The following TLL1 variants were observed in gnomAD, a reference collection of about 807,000 sequenced individuals.
TLL1 encodes the protein tolloid-like protein 1.
In TLL1, 49 loss-of-function variants were observed where a neutral mutation model predicts 128.2. The ratio of observed to expected loss-of-function variants is 0.38; its 90% CI spans 0.30 to 0.48. The LOEUF is 0.48. Ranked by LOEUF, TLL1 falls within the 20% of genes least tolerant of loss-of-function variation. TLL1 has a pLI of 0.96. For synonymous variants in TLL1, 454 were observed against 418.8 expected (o/e 1.08, Z -1.03); for missense variants, 1,123 against 1,242.0 (o/e 0.90, Z 1.44).
At chr4:165,886,750 T>A (rs1731178859) in intron 1 of TLL1, among the ~76,000 whole-genome samples, 1 of 152,224 alleles carries the variant, frequency 6.6e-6, no homozygotes, top group South Asian at 2.1e-4. Flanking sequence ...AATTCATATT[T>A]TTTAACCATT....
At chr4:166,049,872 T>G in intron 12 of TLL1, among the ~76,000 whole-genome samples, 1 of 152,128 alleles carries the variant, frequency 6.6e-6, no homozygotes, top group South Asian at 2.1e-4. Flanking sequence ...TAATCAGAGT[T>G]TTATTTAACA....
intron 6 of TLL1, among the ~76,000 whole-genome samples, chr4:166,004,944 G>C (rs954211080): frequency 6.7e-6 from 1 of 149,062 alleles, no homozygotes; most frequent in Non-Finnish European, 1.5e-5. Context: ...TTAACTGGGT[G>C]GTGGCGGGGG....
chr4:165,923,818 C>T (rs1465244620), intron 1 of TLL1, among the ~76,000 whole-genome samples: 1 of 152,116 alleles, frequency 6.6e-6, no homozygotes, highest in Non-Finnish European at 1.5e-5. Context: ...TTTGTGGCAA[C>T]CCTGTGCCAA....
At chr4:166,030,669 G>A (rs893973433) in intron 9 of TLL1, 11 of 962,174 alleles carry the variant, frequency 1.1e-5, no homozygotes, top group Non-Finnish European at 1.5e-5. Flanking sequence ...AATCAATATT[G>A]TGTTAATAGA....
intron 1 of TLL1, among the ~76,000 whole-genome samples, chr4:165,982,944 T>C (rs1234179187): frequency 6.6e-6 from 1 of 151,794 alleles, no homozygotes; most frequent in Admixed American, 6.6e-5. Context: ...CCTTACAAAA[T>C]ATATGACGTG....
chr4:165,954,428 G>T (rs1734679594), intron 1 of TLL1, among the ~76,000 whole-genome samples: 1 of 152,088 alleles, frequency 6.6e-6, no homozygotes, highest in African/African-American at 2.4e-5. Context: ...CTTAATAATA[G>T]TACTGGGAGA....
intron 6 of TLL1, among the ~76,000 whole-genome samples, chr4:166,005,923 A>G (rs1486558487): frequency 2.0e-5 from 3 of 151,894 alleles, no homozygotes; most frequent in Admixed American, 1.3e-4. Flanking sequence ...ATGGTTTGTA[A>G]TATTTTCTTT....
chr4:166,035,350 GT>G (rs1434679851), intron 9 of TLL1, among the ~76,000 whole-genome samples: 1 of 152,122 alleles, frequency 6.6e-6, no homozygotes, highest in Non-Finnish European at 1.5e-5. Context: ...GGTTTATATT[GT>G]GAGGAATGTC....
chr4:166,041,960 G>A, intron 10 of TLL1, 67 bp from the exon 11 acceptor site: 3 of 1,111,308 alleles, frequency 2.7e-6, no homozygotes, highest in Non-Finnish European at 4.1e-6. Flanking sequence ...TTTGTGACTA[G>A]TACAAAAAGA....
intron 18 of TLL1, among the ~76,000 whole-genome samples, chr4:166,090,686 A>G (rs541581662): frequency 6.6e-6 from 1 of 152,212 alleles, no homozygotes; most frequent in Middle Eastern, 3.4e-3. Flanking sequence ...TTGTAAAAAT[A>G]TAATAATACT....
intron 2 of TLL1, 39 bp from the exon 3 acceptor site, chr4:165,992,765 C>T (rs960100588): frequency 1.1e-5 from 18 of 1,575,134 alleles, no homozygotes; most frequent in Non-Finnish European, 1.6e-5. Context: ...AGAACTTTAA[C>T]ATATTTTGAG....
At chr4:165,887,027 G>A (rs111604853) in intron 1 of TLL1, among the ~76,000 whole-genome samples, 2 of 152,164 alleles carry the variant, frequency 1.3e-5, no homozygotes, top group African/African-American at 4.8e-5. Context: ...GTGGCAAATG[G>A]TCTAACATGG....
chr4:165,993,067 A>G (rs1412707607), intron 3 of TLL1, 183 bp downstream of exon 3: 1 of 570,578 alleles, frequency 1.8e-6, no homozygotes, highest in Non-Finnish European at 3.1e-6. Flanking sequence ...CATTTGGAAT[A>G]ATTTGAAATG....
At chr4:165,941,717 T>C (rs1734018704) in intron 1 of TLL1, among the ~76,000 whole-genome samples, 1 of 152,092 alleles carries the variant, frequency 6.6e-6, no homozygotes, top group Non-Finnish European at 1.5e-5. Context: ...AACAAAGCAC[T>C]CCCACATACA....
chr4:165,937,464 A>G (rs1049539329), intron 1 of TLL1, among the ~76,000 whole-genome samples: 2 of 152,292 alleles, frequency 1.3e-5, no homozygotes, highest in African/African-American at 4.8e-5. Context: ...AACAAAACAA[A>G]ATGACTTTGT....
chr4:166,088,457 C>T (rs1336402972), intron 18 of TLL1, among the ~76,000 whole-genome samples: 1 of 151,958 alleles, frequency 6.6e-6, no homozygotes, highest in Non-Finnish European at 1.5e-5. Context: ...GGAAGGTTCT[C>T]TGTGTGGGTA....
chr4:166,039,541 G>T, intron 10 of TLL1, 100 bp downstream of exon 10: 2 of 810,634 alleles, frequency 2.5e-6, no homozygotes, highest in Non-Finnish European at 4.2e-6. Context: ...TTAAAAATGT[G>T]TGTGACTAAC....
intron 1 of TLL1, among the ~76,000 whole-genome samples, chr4:165,921,513 C>T (rs777261778): frequency 6.6e-6 from 1 of 152,098 alleles, no homozygotes; most frequent in Admixed American, 6.6e-5. Context: ...CTGTTTCTTC[C>T]AAATTGAAAC....
At chr4:165,884,127 A>G (rs2110817042) in intron 1 of TLL1, among the ~76,000 whole-genome samples, 1 of 152,338 alleles carries the variant, frequency 6.6e-6, no homozygotes, top group African/African-American at 2.4e-5. Flanking sequence ...AAGGAAACAT[A>G]GATTTACCCG....
Sources: allele counts gnomAD v4.1 joint callset (sites outside exome capture counted in the v4.1 genomes callset), GRCh38; gene constraint gnomAD v4.1.1; transcripts MANE v1.5; gene names NCBI Gene and HGNC (gene_info 2026-07-23, HGNC 2026-07-21).